The following AGMO variants were observed in gnomAD, a reference collection of about 807,000 sequenced individuals.
The protein encoded by AGMO is alkylglycerol monooxygenase.
Under a neutral mutation model 60.2 loss-of-function variants are expected in AGMO, and 75 were observed. That is an observed-to-expected ratio of 1.25 (90% CI 1.03 to 1.51). The LOEUF is 1.51. AGMO is among the 40% of genes most tolerant of loss of function. AGMO has a pLI of 0.00. For synonymous variants in AGMO, 261 were observed against 177.1 expected (o/e 1.47, Z -3.76); for missense variants, 763 against 525.5 (o/e 1.45, Z -4.42).
At chr7:15,222,173 G>T (rs1781943432) in intron 12 of AGMO, among the ~76,000 whole-genome samples, 1 of 152,094 alleles carries the variant, frequency 6.6e-6, no homozygotes, top group African/African-American at 2.4e-5. Flanking sequence ...GGGAAGAAGA[G>T]TTAATATTTC....
At chr7:15,360,005 T>C (rs1225619918) in intron 12 of AGMO, among the ~76,000 whole-genome samples, 2 of 152,200 alleles carry the variant, frequency 1.3e-5, no homozygotes, top group African/African-American at 4.8e-5. Context: ...TTCTCAGTAG[T>C]AATTATAGGA....
chr7:15,129,257 G>C, the AGMO span, among the ~76,000 whole-genome samples: 1 of 132,232 alleles, frequency 7.6e-6, no homozygotes, highest in Non-Finnish European at 1.8e-5. Context: ...CAGGGTTGTA[G>C]GTTAGTGTTC....
chr7:15,349,374 G>C (rs949913930), intron 12 of AGMO, among the ~76,000 whole-genome samples: 1 of 152,058 alleles, frequency 6.6e-6, no homozygotes, highest in Non-Finnish European at 1.5e-5. Context: ...AAAATGTTTT[G>C]TCTACTTTGA....
At chr7:15,340,344 T>A (rs945199869) in intron 12 of AGMO, among the ~76,000 whole-genome samples, 1 of 152,156 alleles carries the variant, frequency 6.6e-6, no homozygotes, top group Non-Finnish European at 1.5e-5. Context: ...TATGTCAGAT[T>A]TTGAATTTTT....
At chr7:15,406,201 A>T (rs1198778363) in intron 5 of AGMO, among the ~76,000 whole-genome samples, 2 of 149,364 alleles carry the variant, frequency 1.3e-5, no homozygotes, top group Admixed American at 6.7e-5. Flanking sequence ...TCAGGTCAGA[A>T]GACTCAAAAG....
chr7:15,328,760 T>C (rs186062906), intron 12 of AGMO, among the ~76,000 whole-genome samples: 176 of 152,302 alleles, frequency 1.2e-3, no homozygotes, highest in Non-Finnish European at 2.2e-3. Flanking sequence ...TTCCAAGAGT[T>C]TCCCATATAT....
At chr7:15,327,055 G>A (rs963808465) in intron 12 of AGMO, among the ~76,000 whole-genome samples, 2 of 152,118 alleles carry the variant, frequency 1.3e-5, no homozygotes, top group Non-Finnish European at 2.9e-5. Context: ...GTAATTTTGT[G>A]AAGGCAGAGA....
intron 12 of AGMO, among the ~76,000 whole-genome samples, chr7:15,247,730 T>G (rs1447825484): frequency 1.3e-5 from 2 of 152,176 alleles, no homozygotes; most frequent in Non-Finnish European, 2.9e-5. Context: ...TATTATATAC[T>G]TTAAATACTA....
At chr7:15,149,469 A>G in the AGMO span, among the ~76,000 whole-genome samples, 2 of 152,150 alleles carry the variant, frequency 1.3e-5, no homozygotes, top group South Asian at 4.1e-4. Flanking sequence ...TAAGCTTTTA[A>G]TCTATCATGA....
At chr7:15,291,684 G>GA (rs1784268208) in intron 12 of AGMO, among the ~76,000 whole-genome samples, 1 of 152,160 alleles carries the variant, frequency 6.6e-6, no homozygotes, top group African/African-American at 2.4e-5. Context: ...AGAGAGGATT[G>GA]AAACAGAATA....
the AGMO span, among the ~76,000 whole-genome samples, chr7:15,151,840 T>A: frequency 6.6e-6 from 1 of 152,294 alleles, no homozygotes; most frequent in South Asian, 2.1e-4. Context: ...AGGGTTGACT[T>A]TAGGTCCCTA....
At chr7:15,289,292 T>C (rs1167569594) in intron 12 of AGMO, among the ~76,000 whole-genome samples, 1 of 151,712 alleles carries the variant, frequency 6.6e-6, no homozygotes, top group Non-Finnish European at 1.5e-5. Context: ...ATTGTTTCTT[T>C]ATAGAATTAA....
the AGMO span, among the ~76,000 whole-genome samples, chr7:15,164,841 T>G: frequency 6.6e-6 from 1 of 152,156 alleles, no homozygotes; most frequent in Admixed American, 6.6e-5. Flanking sequence ...TGTAAATTTC[T>G]TAAAGAAATA....
the AGMO span, among the ~76,000 whole-genome samples, chr7:15,153,352 T>C: frequency 6.6e-6 from 1 of 152,112 alleles, no homozygotes; most frequent in South Asian, 2.1e-4. Context: ...TTAATTAAGT[T>C]CCATATATTT....
At chr7:15,363,330 A>T (rs1782837928) in intron 12 of AGMO, among the ~76,000 whole-genome samples, 1 of 152,188 alleles carries the variant, frequency 6.6e-6, no homozygotes, top group African/African-American at 2.4e-5. Context: ...TTAAGTTCAT[A>T]TAAAATAACA....
chr7:15,119,204 A>C, the AGMO span, among the ~76,000 whole-genome samples: 69,519 of 151,202 alleles, frequency 0.46, 16,233 homozygotes, highest in South Asian at 0.55. Flanking sequence ...CCCTGGTGAG[A>C]GGTGATTAGA....
At chr7:15,546,819 G>A (rs1162712540) in intron 2 of AGMO, among the ~76,000 whole-genome samples, 1 of 152,174 alleles carries the variant, frequency 6.6e-6, no homozygotes, top group Admixed American at 6.5e-5. Context: ...TAGCTTTGTT[G>A]GTTACTTTTG....
intron 12 of AGMO, among the ~76,000 whole-genome samples, chr7:15,262,662 A>G (rs1783308426): frequency 6.6e-6 from 1 of 152,046 alleles, no homozygotes; most frequent in African/African-American, 2.4e-5. Flanking sequence ...CAAAAGCAAG[A>G]CTAAGCAAAA....
intron 12 of AGMO, among the ~76,000 whole-genome samples, chr7:15,289,259 A>G (rs551530151): frequency 1.5e-4 from 20 of 132,564 alleles, no homozygotes; most frequent in Non-Finnish European, 2.8e-4. Flanking sequence ...AAATTACACG[A>G]AATAAATTTA....
Sources: gnomAD v4.1 joint callset for allele counts (sites outside exome capture counted in the v4.1 genomes callset) on GRCh38, gnomAD v4.1.1 for gene constraint, MANE v1.5 for transcripts, NCBI Gene and HGNC (gene_info 2026-07-23, HGNC 2026-07-21) for gene names.